SETD2: variants seen among roughly 807,000 people sequenced by gnomAD.
SETD2 encodes the protein SET domain containing 2, histone lysine methyltransferase, also known as histone-lysine N-methyltransferase SETD2.
In SETD2, 31 loss-of-function variants were observed where a neutral mutation model predicts 242.1. That is an observed-to-expected ratio of 0.13 (90% CI 0.10 to 0.17). SETD2 has a LOEUF of 0.17. Ranked by LOEUF, SETD2 falls within the 10% of genes least tolerant of loss-of-function variation. SETD2 has a pLI of 1.00. For synonymous variants in SETD2, 1,006 were observed against 1,066.5 expected, an observed-to-expected ratio of 0.94 and a Z score of 1.11; for missense variants, 2,481 against 3,046.3, an observed-to-expected ratio of 0.81 and a Z score of 4.37.
chr3:47,116,485 A>C (rs1462502972), intron 4 of SETD2, 138 bp downstream of exon 4: 1 of 717,392 alleles, frequency 1.4e-6, no homozygotes, highest in Non-Finnish European at 2.3e-6. Context: ...CTATACATCA[A>C]AGTGTCTACT....
chr3:47,100,689 G>C (rs766065761), intron 8 of SETD2, among the ~76,000 whole-genome samples: 1 of 152,140 alleles, frequency 6.6e-6, no homozygotes, highest in Middle Eastern at 3.4e-3. Flanking sequence ...CTTTGCTATT[G>C]CATCGGTTAC....
chr3:47,053,893 A>G (rs1013636861), intron 15 of SETD2, among the ~76,000 whole-genome samples: 7 of 152,230 alleles, frequency 4.6e-5, no homozygotes, highest in Non-Finnish European at 1.0e-4. Context: ...GGTGCTTTGA[A>G]TCTATCATTA....
chr3:47,151,626 G>A (rs533814622), intron 1 of SETD2, among the ~76,000 whole-genome samples: 8 of 152,098 alleles, frequency 5.3e-5, no homozygotes, highest in East Asian at 1.9e-4. Flanking sequence ...TCGGGAGTTC[G>A]AGACCAGCCT....
intron 14 of SETD2, among the ~76,000 whole-genome samples, chr3:47,058,859 A>G (rs958428280): frequency 2.6e-5 from 4 of 151,192 alleles, no homozygotes; most frequent in Non-Finnish European, 5.9e-5. Context: ...CAGTGGCGCG[A>G]TCTCTGTTCA....
chr3:47,153,351 C>T (rs1276010205), intron 1 of SETD2, among the ~76,000 whole-genome samples: 1 of 152,144 alleles, frequency 6.6e-6, no homozygotes, highest in Non-Finnish European at 1.5e-5. Context: ...TGAGAGACTT[C>T]CAAATACTGT....
intron 1 of SETD2, among the ~76,000 whole-genome samples, chr3:47,147,432 C>T (rs1261629030): frequency 6.6e-6 from 1 of 150,976 alleles, no homozygotes; most frequent in East Asian, 2.0e-4. Context: ...GAACGATTCT[C>T]CTGCCTCAGC....
intron 1 of SETD2, among the ~76,000 whole-genome samples, chr3:47,144,121 G>C (rs985565181): frequency 1.3e-5 from 2 of 152,158 alleles, no homozygotes; most frequent in Non-Finnish European, 2.9e-5. Flanking sequence ...CACTTGAGGA[G>C]GCCAAATCTT....
At position 47,091,776 on chromosome 3, in the gene SETD2, TAAATA is replaced by T. The variant is rs968284217; in HGVS notation, c.5143-3534_5143-3530del. ...AGACTCTGTCTCAAAAATAAATAAA[TAAATA>T]AAATAAAATAAAAATTAGCCAGGTG... On this transcript the variant is annotated intron_variant, in intron 9 of 20. Coordinates refer to ENST00000409792, the MANE Select transcript of SETD2 (RefSeq NM_014159.7). Among the ~76,000 whole-genome samples the T allele has an allele frequency of 9.3e-5, 14 of 150,390 alleles. No homozygotes were observed. In the Middle Eastern group the frequency reaches 0.014, roughly 147 times the overall value.
At chr3:47,100,942 G>A (rs1028168077) in intron 8 of SETD2, among the ~76,000 whole-genome samples, 11 of 148,852 alleles carry the variant, frequency 7.4e-5, no homozygotes, top group Non-Finnish European at 1.6e-4. Flanking sequence ...CCTGGGAGGC[G>A]GAGCTTGCAG....
At chr3:47,062,466 G>T in intron 13 of SETD2, 120 bp from the exon 14 acceptor site, 1 of 865,164 alleles carries the variant, frequency 1.2e-6, no homozygotes, top group Non-Finnish European at 1.8e-6. Flanking sequence ...ATGTATCTAT[G>T]GACTCCTCCG....
intron 15 of SETD2, among the ~76,000 whole-genome samples, chr3:47,052,163 T>G (rs1218599088): frequency 6.6e-6 from 1 of 152,182 alleles, no homozygotes; most frequent in Non-Finnish European, 1.5e-5. Context: ...ATACGAGATT[T>G]TTGTTTTTTC....
At chr3:47,021,930 C>T (rs1264900927) in intron 18 of SETD2, among the ~76,000 whole-genome samples, 2 of 151,268 alleles carry the variant, frequency 1.3e-5, no homozygotes, top group South Asian at 2.1e-4. Context: ...GGGCGGATCA[C>T]GAGGTCAAGA....
At chr3:47,090,102 G>T (rs2041733155) in intron 9 of SETD2, among the ~76,000 whole-genome samples, 1 of 151,968 alleles carries the variant, frequency 6.6e-6, no homozygotes, top group Non-Finnish European at 1.5e-5. Context: ...ACAAAAATTA[G>T]CCGGGCATCG....
intron 1 of SETD2, among the ~76,000 whole-genome samples, chr3:47,159,081 G>A (rs925957912): frequency 2.0e-5 from 3 of 152,034 alleles, no homozygotes; most frequent in African/African-American, 7.2e-5. Flanking sequence ...CTGAAGACCA[G>A]CCTGGGGAAA....
intron 12 of SETD2, among the ~76,000 whole-genome samples, chr3:47,072,761 C>T (rs979735433): frequency 1.4e-5 from 2 of 145,310 alleles, no homozygotes; most frequent in South Asian, 2.3e-4. Flanking sequence ...CTGGCTAACA[C>T]GGTGAAACCC....
intron 1 of SETD2, among the ~76,000 whole-genome samples, chr3:47,160,853 C>A (rs899682711): frequency 1.3e-5 from 2 of 152,094 alleles, no homozygotes; most frequent in Middle Eastern, 3.2e-3. Context: ...CTGGGCCTGC[C>A]CCATAATGGA....
At chr3:47,131,228 C>A (rs187803896) in intron 1 of SETD2, among the ~76,000 whole-genome samples, 27 of 152,212 alleles carry the variant, frequency 1.8e-4, no homozygotes, top group Non-Finnish European at 2.6e-4. Flanking sequence ...TTTCAAACTA[C>A]CAGAAAGTTT....
intron 18 of SETD2, among the ~76,000 whole-genome samples, chr3:47,027,801 T>G (rs1486960013): frequency 6.9e-6 from 1 of 145,478 alleles, no homozygotes; most frequent in Non-Finnish European, 1.5e-5. Flanking sequence ...TTTGTTTTTG[T>G]TTTTTTTTTT....
intron 12 of SETD2, among the ~76,000 whole-genome samples, chr3:47,071,707 G>A (rs1283488213): frequency 1.3e-5 from 2 of 151,756 alleles, no homozygotes; most frequent in Non-Finnish European, 2.9e-5. Context: ...AAAGTAAAAG[G>A]TAGAAAGTCT....
Sources: allele counts gnomAD v4.1 joint callset (sites outside exome capture counted in the v4.1 genomes callset), GRCh38; gene constraint gnomAD v4.1.1; transcripts MANE v1.5; gene names NCBI Gene and HGNC (gene_info 2026-07-23, HGNC 2026-07-21).